Variants in FBN1 observed in about 807,000 individuals in gnomAD.
The protein encoded by FBN1 is fibrillin 1.
A neutral mutation model predicts 365.1 loss-of-function variants in FBN1; 29 were observed. The observed-to-expected ratio is 0.08, with a 90% CI of 0.06 to 0.11. FBN1 has a LOEUF of 0.11. Among genes scored for constraint, FBN1 ranks in the 10% least tolerant of loss-of-function variants. The probability of loss-of-function intolerance (pLI) is 1.00; values close to 1 mark genes in which losing one functional copy is unlikely to be tolerated. For synonymous variants in FBN1, 1,210 were observed against 1,270.5 expected (o/e 0.95, Z 1.01); for missense variants, 2,476 against 3,703.2 (o/e 0.67, Z 8.60).
chr15:48,494,118 T>A, intron 23 of FBN1, 86 bp downstream of exon 23: 1 of 1,052,044 alleles, frequency 9.5e-7, no homozygotes. Flanking sequence ...CCCTGTGAAG[T>A]TATATGACAG....
chr15:48,453,217 T>C (rs1164830380), intron 44 of FBN1, among the ~76,000 whole-genome samples: 3 of 148,280 alleles, frequency 2.0e-5, no homozygotes, highest in East Asian at 2.0e-4. Flanking sequence ...GATCATGCCA[T>C]TGCATTCCAG....
rs1161109360 is a variant in FBN1, at chr15:48,520,812, G to A, written c.994C>T (p.Arg332Cys). The change falls in exon 10 of 66, where the codon CGC (arginine) becomes TGC (cysteine). Residue 332 changes from arginine (R) to cysteine (C), a missense_variant. Around this residue, in one of 5 missense-constraint regions of FBN1, gnomAD observed 421 missense variants for 520.1 expected, o/e 0.81. Transcript: ENST00000316623. ...AGAGCTGTGTAACAGTATCCTGGGC[G>A]AACATCTGAGGACAAAGAAACACAT... ...SPDGTRCIDV[R>C]PGYCYTALTN... 11 of 1,613,996 alleles carry A rather than the reference G, an allele frequency of 6.8e-6. No individual in the cohort carries two copies. Among genetic ancestry groups the A allele is most frequent in the African/African-American group, 2.7e-5 (2 of 74,892 alleles).
rs540895761 is a variant in FBN1 at position 48,463,721 on chromosome 15, G to T, written c.5065+178C>A. Among the ~76,000 whole-genome samples the T allele has an allele frequency of 2.4e-4, 36 of 152,276 alleles. No individual in the cohort carries two copies. The South Asian group carries it at 7.5e-3, about 32-fold the overall frequency. On this transcript the variant is annotated intron_variant, in intron 41 of 65. Coordinates refer to ENST00000316623, the MANE Select transcript of FBN1 (RefSeq NM_000138.5). ...AGAAAACTCCCAACCACCCACCCGT[G>T]GTGGTGAAAAAATGCCAAGTTATGA...
chr15:48,428,211 C>A, intron 57 of FBN1, 135 bp downstream of exon 57: 2 of 1,125,772 alleles, frequency 1.8e-6, no homozygotes, highest in Admixed American at 2.0e-5. Flanking sequence ...GTCATTACGG[C>A]ATCTCCAAAA....
Position 48,465,819 on chromosome 15 carries a change from C to T in FBN1, c.4787G>A (p.Arg1596Gln), listed in dbSNP as rs769588424. The change falls in exon 39 of 66, where the codon CGA becomes CAA. Residue 1596 changes from arginine to glutamine, a missense_variant. Around this residue, in one of 5 missense-constraint regions of FBN1, gnomAD observed 1,780 missense variants for 2,840.8 expected, o/e 0.63. Coordinates refer to ENST00000316623, the MANE Select transcript of FBN1 (RefSeq NM_000138.5). The stretch of plus-strand genomic sequence containing the variant: ...CAATATAACGGTGATAGGATTTGGT[C>T]GGAAACCTTCCCCTCCAGGACAAAG... The part of the protein sequence containing the change: ...KILCPGGEGF[R>Q]PNPITVILED... 8 of 1,613,774 alleles carry T rather than the reference C, an allele frequency of 5.0e-6. No individual in the cohort carries two copies. Among genetic ancestry groups the T allele is most frequent in the Non-Finnish European group, 5.9e-6 (7 of 1,179,784 alleles).
intron 2 of FBN1, among the ~76,000 whole-genome samples, chr15:48,630,957 T>C (rs1249133664): frequency 6.6e-6 from 1 of 152,190 alleles, no homozygotes; most frequent in Non-Finnish European, 1.5e-5. Flanking sequence ...CTTATTTTTA[T>C]AGGCTGTGAA....
chr15:48,492,617 A>G, intron 23 of FBN1, 31 bp from the exon 24 acceptor site: 1 of 1,390,914 alleles, frequency 7.2e-7, no homozygotes, highest in Non-Finnish European at 1.0e-6. Context: ...TAAAGTTAAT[A>G]TATCTTTATA....
Position 48,644,732 on chromosome 15 carries a change from A to C in FBN1, c.38T>G (p.Phe13Cys), listed in dbSNP as rs773614956. ...RGRLLEIALG[F>C]TVLLASYTSH... is the part of the protein sequence containing the mutation. Reference sequence around the variant, plus strand: ...CGTGTAGGACGCTAAAAGCACGGTAAATCCCAGGGCGATCTCCAGCAGACG... The same window carrying C: ...CGTGTAGGACGCTAAAAGCACGGTACATCCCAGGGCGATCTCCAGCAGACG... The change falls in exon 2 of 66, where the codon TTT (phenylalanine) becomes TGT (cysteine). Residue 13 changes from phenylalanine (F) to cysteine (C), a missense_variant. Around this residue, in one of 5 missense-constraint regions of FBN1, gnomAD observed 76 missense variants for 85.4 expected, o/e 0.89. Coordinates refer to ENST00000316623, the MANE Select transcript of FBN1 (RefSeq NM_000138.5). 6.8e-6 allele frequency: 11 copies of C among 1,613,710 alleles called. No individual in the cohort carries two copies. The South Asian group carries it at 1.1e-4, about 16-fold the overall frequency.
rs772864076 is a variant in FBN1 at position 48,520,687 on chromosome 15, G to T, written c.1119C>A (p.Ala373=). 1.2e-6 allele frequency: 2 copies of T among 1,614,108 alleles called. No individual in the cohort carries two copies. The highest frequency in any genetic ancestry group is 1.1e-5 in the South Asian group (1 of 91,074). Reference sequence around the variant, plus strand: ...TTGCTCTGATGGGACACATCTCAGGGGCGACAGTGACCCCTGGAGACCAGC... The same window carrying T: ...TTGCTCTGATGGGACACATCTCAGGTGCGACAGTGACCCCTGGAGACCAGC... ...GRCWSPGVTV[A]PEMCPIRATE... Residue 373 remains alanine, a synonymous_variant, in exon 10 of 66, where the codon GCC becomes GCA. Transcript: ENST00000316623.
At chr15:48,446,676 C>T (rs576319196) in intron 47 of FBN1, 30 bp downstream of exon 47, 2 of 1,348,006 alleles carry the variant, frequency 1.5e-6, no homozygotes, top group African/African-American at 2.9e-5. Context: ...AACTGACTTC[C>T]TTTGCTGATG....
intron 45 of FBN1, among the ~76,000 whole-genome samples, chr15:48,450,613 G>A (rs2043193985): frequency 6.6e-6 from 1 of 152,142 alleles, no homozygotes; most frequent in South Asian, 2.1e-4. Flanking sequence ...TCTTTTGTGG[G>A]GCAAGACATT....
chr15:48,467,789 C>A, intron 38 of FBN1, 149 bp downstream of exon 38: 1 of 739,314 alleles, frequency 1.4e-6, no homozygotes. Flanking sequence ...TATTTTCTGA[C>A]TCTCGAATTG....
intron 17 of FBN1, 51 bp from the exon 18 acceptor site, chr15:48,499,089 A>C: frequency 6.3e-7 from 1 of 1,577,048 alleles, no homozygotes; most frequent in Middle Eastern, 1.7e-4. Context: ...CAGAACAGGT[A>C]GATCCTGCCC....
Position 48,487,140 on chromosome 15 carries a change from A to C in FBN1, c.3524T>G (p.Ile1175Arg). The change falls in exon 29 of 66, where the codon ATA becomes AGA. Residue 1175 changes from isoleucine to arginine, a missense_variant. By Grantham distance (97) the Ile-to-Arg change is moderately conservative. Transcript: ENST00000316623. ...LCPNGRCVNL[I>R]GKYQCACNPG... ...GTTGCAGGCACACTGATACTTCCCT[A>C]TGAGGTTCACGCAACGGCCATTGGG... The C allele has an allele frequency of 6.2e-7, 1 of 1,614,222 alleles. No homozygotes were observed. Among genetic ancestry groups the C allele is most frequent in the East Asian group, 2.2e-5 (1 of 44,892 alleles).
intron 6 of FBN1, among the ~76,000 whole-genome samples, chr15:48,565,370 T>A (rs78813227): frequency 0.013 from 1,954 of 152,160 alleles, 40 homozygotes; most frequent in African/African-American, 0.045. Flanking sequence ...AAATTAGAAA[T>A]CAGAAAATGA....
intron 44 of FBN1, 64 bp downstream of exon 44, chr15:48,456,573 T>C (rs1294279309): frequency 9.1e-6 from 14 of 1,545,282 alleles, no homozygotes; most frequent in East Asian, 6.8e-5. Flanking sequence ...ATTCGCCAAG[T>C]GTGTATCAAG....
chr15:48,454,472 CAAA>C (rs1203029492), intron 44 of FBN1, among the ~76,000 whole-genome samples: 1 of 152,094 alleles, frequency 6.6e-6, no homozygotes, highest in Admixed American at 6.5e-5. Flanking sequence ...ACAACAACAA[CAAA>C]AAACAGATAC....
In FBN1 at chr15:48,594,361, C is replaced by T. The variant is rs118189058; in HGVS notation, c.538+1922G>A. ...CCTTCTGCTCTCCAGTCTCCACTAC[C>T]ACAAATGCCTGAAAATCTGCCACTT... is the stretch of plus-strand genomic sequence containing the variant. On this transcript the variant is annotated intron_variant, in intron 6 of 65. Coordinates refer to ENST00000316623, the MANE Select transcript of FBN1 (RefSeq NM_000138.5). 2.3e-4 allele frequency among the ~76,000 whole-genome samples: 35 copies of T among 152,272 alleles called. No individual in the cohort carries two copies. In the East Asian group the frequency reaches 6.4e-3, roughly 28 times the overall value.
intron 10 of FBN1, among the ~76,000 whole-genome samples, chr15:48,519,882 G>T (rs759536170): frequency 3.9e-5 from 6 of 152,160 alleles, no homozygotes; most frequent in Non-Finnish European, 8.8e-5. Context: ...ACTAAATATT[G>T]CCTGAGTTCA....
Sources: gnomAD v4.1 joint callset for allele counts (sites outside exome capture counted in the v4.1 genomes callset) on GRCh38, gnomAD v4.1.1 for gene constraint, gnomAD v4.1.1 regional missense constraint, MANE v1.5 for transcripts, NCBI Gene and HGNC (gene_info 2026-07-23, HGNC 2026-07-21) for gene names.